The following MYRIP variants were observed in gnomAD, a reference collection of about 807,000 sequenced individuals.
MYRIP encodes rab effector MyRIP.
In MYRIP, 49 loss-of-function variants were observed where a neutral mutation model predicts 98.0. The ratio of observed to expected loss-of-function variants is 0.50; its 90% CI spans 0.40 to 0.63. MYRIP has a LOEUF of 0.63. Ranked by LOEUF, MYRIP falls within the 30% of genes least tolerant of loss-of-function variation. The pLI is 0.00. For missense variants in MYRIP, 1,004 were observed against 1,058.2 expected (o/e 0.95, Z 0.71); for synonymous variants, 404 against 409.5 (o/e 0.99, Z 0.16).
chr3:40,242,771 GT>G (rs1480908627), intron 12 of MYRIP, among the ~76,000 whole-genome samples: 3 of 151,970 alleles, frequency 2.0e-5, no homozygotes, highest in Admixed American at 2.0e-4. Context: ...CTTTTTTGGT[GT>G]AGATAGGGAA....
At chr3:40,066,349 C>T (rs1948126545) in intron 3 of MYRIP, among the ~76,000 whole-genome samples, 1 of 152,168 alleles carries the variant, frequency 6.6e-6, no homozygotes, top group Non-Finnish European at 1.5e-5. Flanking sequence ...GGAACCTCTC[C>T]TCAAATTGCA....
chr3:40,125,222 T>C (rs1223796886), intron 3 of MYRIP, among the ~76,000 whole-genome samples: 1 of 152,166 alleles, frequency 6.6e-6, no homozygotes, highest in Non-Finnish European at 1.5e-5. Context: ...ACAGAACTAA[T>C]AGGATAGATA....
chr3:39,862,189 G>A (rs1292539274), intron 1 of MYRIP, among the ~76,000 whole-genome samples: 1 of 152,126 alleles, frequency 6.6e-6, no homozygotes, highest in Non-Finnish European at 1.5e-5. Context: ...CATATATTTA[G>A]CATTCTTAAA....
At chr3:39,998,069 C>A (rs1946414643) in intron 2 of MYRIP, among the ~76,000 whole-genome samples, 1 of 152,168 alleles carries the variant, frequency 6.6e-6, no homozygotes, top group South Asian at 2.1e-4. Flanking sequence ...AAACCCACAG[C>A]CAATATCATA....
intron 2 of MYRIP, among the ~76,000 whole-genome samples, chr3:39,995,202 G>C (rs1031826628): frequency 6.6e-6 from 1 of 152,170 alleles, no homozygotes; most frequent in African/African-American, 2.4e-5. Context: ...ACTTTGACAA[G>C]TTGAGAGAAG....
chr3:40,141,113 T>C (rs193089779), intron 3 of MYRIP, among the ~76,000 whole-genome samples: 6 of 152,292 alleles, frequency 3.9e-5, no homozygotes, highest in Admixed American at 3.3e-4. Context: ...TCTATCTCCA[T>C]GAATTCAACT....
At chr3:40,182,150 A>G (rs1366219709) in intron 8 of MYRIP, 70 bp from the exon 9 acceptor site, 3 of 1,447,852 alleles carry the variant, frequency 2.1e-6, no homozygotes, top group Non-Finnish European at 2.8e-6. Context: ...TCTGCCCCCA[A>G]AAGGTGAAGG....
At chr3:40,003,823 G>A (rs1467698920) in intron 2 of MYRIP, among the ~76,000 whole-genome samples, 2 of 152,072 alleles carry the variant, frequency 1.3e-5, no homozygotes, top group African/African-American at 4.8e-5. Context: ...AGTATAAATC[G>A]TACTGTTTTC....
intron 1 of MYRIP, among the ~76,000 whole-genome samples, chr3:39,840,448 T>C (rs558122504): frequency 2.6e-4 from 40 of 152,348 alleles, no homozygotes; most frequent in African/African-American, 9.6e-4. Context: ...GTTTTTTAAT[T>C]GGGGCATTTA....
intron 2 of MYRIP, among the ~76,000 whole-genome samples, chr3:39,926,906 G>C (rs1217882993): frequency 1.3e-5 from 2 of 151,926 alleles, no homozygotes; most frequent in African/African-American, 2.4e-5. Flanking sequence ...TGAGTCTGTA[G>C]GTTGCTTTGA....
At chr3:40,247,424 A>G (rs1953240815) in intron 13 of MYRIP, among the ~76,000 whole-genome samples, 1 of 152,234 alleles carries the variant, frequency 6.6e-6, no homozygotes, top group East Asian at 1.9e-4. Flanking sequence ...AGCTACTGCT[A>G]CTATCCTCCT....
chr3:40,045,759 T>C (rs1947657897), intron 3 of MYRIP, among the ~76,000 whole-genome samples: 1 of 152,094 alleles, frequency 6.6e-6, no homozygotes, highest in South Asian at 2.1e-4. Flanking sequence ...TTCCCACAGA[T>C]TGGGAGTTTC....
rs543641406 is a variant in MYRIP, at chr3:40,194,189, C to T, written c.1665+3726C>T. Among the ~76,000 whole-genome samples the T allele has an allele frequency of 2.7e-4, 41 of 152,034 alleles. No homozygotes were observed. The South Asian group carries it at 7.7e-3, about 28-fold the overall frequency. ...TTTTTCCAATTTCTTCCTAATCCTT[C>T]GTAGTTTTCTATTTTCAGTTTAGCC... is the stretch of plus-strand genomic sequence containing the variant. On this transcript the variant is annotated intron_variant, in intron 10 of 16. Transcript: ENST00000302541.
intron 2 of MYRIP, among the ~76,000 whole-genome samples, chr3:39,960,756 G>A (rs192332727): frequency 1.3e-5 from 2 of 152,174 alleles, no homozygotes; most frequent in South Asian, 2.1e-4. Flanking sequence ...GGTTGCTAAT[G>A]AGGGAATCAA....
chr3:39,877,728 C>T (rs553764429), intron 1 of MYRIP, among the ~76,000 whole-genome samples: 10 of 152,200 alleles, frequency 6.6e-5, no homozygotes, highest in African/African-American at 2.2e-4. Flanking sequence ...AGTACCCGGC[C>T]ATGTGAGGTG....
chr3:40,153,899 T>C (rs1280760684), intron 4 of MYRIP, among the ~76,000 whole-genome samples: 1 of 152,144 alleles, frequency 6.6e-6, no homozygotes, highest in East Asian at 1.9e-4. Context: ...CCCAGCACTT[T>C]CGGAGGCTGA....
At chr3:40,204,366 G>T (rs768084022) in intron 10 of MYRIP, among the ~76,000 whole-genome samples, 2 of 148,268 alleles carry the variant, frequency 1.3e-5, no homozygotes, top group African/African-American at 5.0e-5. Flanking sequence ...ATTTTTAGTA[G>T]AGACAGGGTT....
chr3:40,015,570 G>T (rs1946845909), intron 2 of MYRIP, among the ~76,000 whole-genome samples: 1 of 152,198 alleles, frequency 6.6e-6, no homozygotes, highest in Non-Finnish European at 1.5e-5. Flanking sequence ...ATTCCCCTCT[G>T]CAAGGGAGCC....
intron 13 of MYRIP, among the ~76,000 whole-genome samples, chr3:40,246,111 CATATCTAG>C (rs1953192471): frequency 6.6e-6 from 1 of 151,348 alleles, no homozygotes; most frequent in Non-Finnish European, 1.5e-5. Context: ...TCAATAAAAC[CATATCTAG>C]ATAGAGACAT....
Sources: allele counts gnomAD v4.1 joint callset (sites outside exome capture counted in the v4.1 genomes callset), GRCh38; gene constraint gnomAD v4.1.1; transcripts MANE v1.5; gene names NCBI Gene and HGNC (gene_info 2026-07-23, HGNC 2026-07-21).